Variants in ADGRV1 observed in about 807,000 individuals in gnomAD.
The protein encoded by ADGRV1 is adhesion G protein-coupled receptor V1, also known as G-protein coupled receptor 98.
A neutral mutation model predicts 596.2 loss-of-function variants in ADGRV1; 359 were observed. The ratio of observed to expected loss-of-function variants is 0.60; its 90% CI spans 0.55 to 0.66. The LOEUF is 0.66. Ranked by LOEUF, ADGRV1 falls within the 30% of genes least tolerant of loss-of-function variation. ADGRV1 has a pLI of 0.00. For synonymous variants in ADGRV1, 2,681 were observed against 2,679.2 expected, an observed-to-expected ratio of 1.00 and a Z score of -0.02; for missense variants, 7,274 against 7,575.6, an observed-to-expected ratio of 0.96 and a Z score of 1.48.
intron 75 of ADGRV1, among the ~76,000 whole-genome samples, chr5:90,818,851 A>C (rs1223609712): frequency 6.7e-6 from 1 of 149,608 alleles, no homozygotes; most frequent in African/African-American, 2.4e-5. Context: ...ATCAATGTTC[A>C]TCAAGGATAT....
intron 83 of ADGRV1, among the ~76,000 whole-genome samples, chr5:90,922,609 T>C (rs1424352058): frequency 6.6e-6 from 1 of 152,178 alleles, no homozygotes; most frequent in Non-Finnish European, 1.5e-5. Context: ...CTAGATAACC[T>C]TACAACTAAC....
intron 33 of ADGRV1, 143 bp downstream of exon 33, chr5:90,694,844 G>A: frequency 1.4e-6 from 1 of 713,488 alleles, no homozygotes; most frequent in South Asian, 2.4e-5. Flanking sequence ...AAAAATAGAA[G>A]TTAATTGGCT....
At chr5:90,700,262 T>C (rs1183550673) in intron 34 of ADGRV1, among the ~76,000 whole-genome samples, 1 of 152,200 alleles carries the variant, frequency 6.6e-6, no homozygotes, top group East Asian at 1.9e-4. Flanking sequence ...TTTAACAGTG[T>C]TAACGTTGCT....
Position 90,848,675 on chromosome 5 carries a change from C to T in ADGRV1, c.17058C>T (p.Ala5686=), listed in dbSNP as rs1437527415. The change falls in exon 79 of 90, where the codon GCC becomes GCT. Residue 5686 remains alanine, a synonymous_variant. Transcript: ENST00000405460. ...GAAAAATTCAAGCTTTCAGTGTTGC[C>T]AGCCGAACTCTTTTCTATGAGATTC... ...TEGKIQAFSV[A]SRTLFYEILC... is the part of the protein sequence containing the mutation. The T allele has an allele frequency of 2.6e-6, 4 of 1,557,054 alleles. No individual in the cohort carries two copies. In the East Asian group the frequency reaches 9.5e-5, roughly 37 times the overall value.
At chr5:91,054,410 C>A (rs17572843) in intron 85 of ADGRV1, among the ~76,000 whole-genome samples, 35,785 of 151,838 alleles carry the variant, frequency 0.24, 4,532 homozygotes, top group Non-Finnish European at 0.28. Flanking sequence ...AAGTATGGGG[C>A]AAAAAATCAT....
At position 90,749,543 on chromosome 5, in the gene ADGRV1, C is replaced by T. The variant is rs137896271; in HGVS notation, c.10975-1008C>T. 4.5e-4 allele frequency among the ~76,000 whole-genome samples: 69 copies of T among 152,236 alleles called. 1 individual carries two copies. The East Asian group carries it at 9.5e-3, about 21-fold the overall frequency. Reference sequence around the variant, plus strand: ...GTAAAATATTGCTAAAGGATAGGATCGCTACTCAAATTAGCATTCTAAGTA... The same window carrying T: ...GTAAAATATTGCTAAAGGATAGGATTGCTACTCAAATTAGCATTCTAAGTA... On this transcript the variant is annotated intron_variant, in intron 52 of 89. Coordinates refer to ENST00000405460, the MANE Select transcript of ADGRV1 (RefSeq NM_032119.4).
intron 59 of ADGRV1, among the ~76,000 whole-genome samples, chr5:90,770,369 T>C (rs2150046858): frequency 6.6e-6 from 1 of 152,254 alleles, no homozygotes; most frequent in East Asian, 1.9e-4. Flanking sequence ...GGAGCTACAA[T>C]TCAAGATGAG....
intron 1 of ADGRV1, among the ~76,000 whole-genome samples, chr5:90,596,783 A>AGAGAGG (rs946895053): frequency 6.6e-6 from 1 of 152,130 alleles, no homozygotes; most frequent in African/African-American, 2.4e-5. Context: ...GACCGTGGAA[A>AGAGAGG]GAGAGGGAGA....
intron 83 of ADGRV1, among the ~76,000 whole-genome samples, chr5:90,950,280 A>G (rs987948588): frequency 3.9e-5 from 6 of 152,166 alleles, no homozygotes; most frequent in Non-Finnish European, 5.9e-5. Flanking sequence ...CAGGTGAGAA[A>G]TAATAGTGGA....
chr5:91,049,821 G>A (rs1786154867), intron 85 of ADGRV1, among the ~76,000 whole-genome samples: 2 of 152,190 alleles, frequency 1.3e-5, no homozygotes, highest in Admixed American at 6.5e-5. Context: ...AGTGCTACGG[G>A]TTCCACAGGG....
At chr5:90,932,212 T>TA (rs1460901315) in intron 83 of ADGRV1, among the ~76,000 whole-genome samples, 1 of 152,178 alleles carries the variant, frequency 6.6e-6, no homozygotes, top group Non-Finnish European at 1.5e-5. Flanking sequence ...TCATTAGTGG[T>TA]ATGATTTCCC....
chr5:90,666,262 G>A (rs545849538), intron 21 of ADGRV1, among the ~76,000 whole-genome samples: 1 of 152,000 alleles, frequency 6.6e-6, no homozygotes, highest in African/African-American at 2.4e-5. Context: ...TCTCTTTGTA[G>A]GTCATTCAGG....
chr5:90,662,262 T>C (rs1351960828), intron 21 of ADGRV1, among the ~76,000 whole-genome samples: 1 of 146,298 alleles, frequency 6.8e-6, no homozygotes, highest in Non-Finnish European at 1.5e-5. Context: ...GATGCGATCA[T>C]GGCTCACTGC....
chr5:91,020,396 T>C (rs920972751), intron 85 of ADGRV1, among the ~76,000 whole-genome samples: 2 of 152,044 alleles, frequency 1.3e-5, no homozygotes, highest in African/African-American at 4.8e-5. Flanking sequence ...TACATATGAC[T>C]TTTCATTTTA....
chr5:90,668,319 G>A (rs1467567407), intron 21 of ADGRV1, among the ~76,000 whole-genome samples: 7 of 151,460 alleles, frequency 4.6e-5, no homozygotes, highest in Admixed American at 6.6e-5. Context: ...GTGGTGCGCC[G>A]TTTTTTAAGC....
At chr5:90,760,509 T>C (rs1756406493) in intron 58 of ADGRV1, among the ~76,000 whole-genome samples, 1 of 152,214 alleles carries the variant, frequency 6.6e-6, no homozygotes, top group Non-Finnish European at 1.5e-5. Flanking sequence ...ATTCTCTGCC[T>C]GCTTTACTGC....
chr5:91,008,536 C>T (rs1438552494), intron 85 of ADGRV1, among the ~76,000 whole-genome samples: 3 of 152,008 alleles, frequency 2.0e-5, no homozygotes, highest in Non-Finnish European at 4.4e-5. Flanking sequence ...CAGAGTCTCG[C>T]TCTGTCACCC....
rs537546425 is a variant in ADGRV1, at chr5:90,937,520, T to C, written c.17857-27895T>C. On this transcript the variant is annotated intron_variant, in intron 83 of 89. Coordinates refer to ENST00000405460, the MANE Select transcript of ADGRV1 (RefSeq NM_032119.4). Reference sequence around the variant, plus strand: ...TCGCCCAGGCTGGAGTGCAGTGGCGTGATCGCGGCTCACTGCAAGCTCCGC... The same window carrying C: ...TCGCCCAGGCTGGAGTGCAGTGGCGCGATCGCGGCTCACTGCAAGCTCCGC... 6.7e-5 allele frequency among the ~76,000 whole-genome samples: 10 copies of C among 149,292 alleles called. 1 individual carries two copies. Among genetic ancestry groups the C allele is most frequent in the Non-Finnish European group, 1.2e-4 (8 of 67,606 alleles).
intron 4 of ADGRV1, among the ~76,000 whole-genome samples, chr5:90,620,317 A>G (rs1763898485): frequency 6.6e-6 from 1 of 151,968 alleles, no homozygotes; most frequent in Non-Finnish European, 1.5e-5. Flanking sequence ...ATGGTGTCTC[A>G]TTGTGGTTTT....
Sources: allele counts gnomAD v4.1 joint callset (sites outside exome capture counted in the v4.1 genomes callset), GRCh38; gene constraint gnomAD v4.1.1; transcripts MANE v1.5; gene names NCBI Gene and HGNC (gene_info 2026-07-23, HGNC 2026-07-21).